NUBPL: variants seen among roughly 807,000 people sequenced by gnomAD.
The protein encoded by NUBPL is NUBP iron-sulfur cluster assembly factor, mitochondrial, also known as iron-sulfur cluster transfer protein NUBPL.
A neutral mutation model predicts 45.7 loss-of-function variants in NUBPL; 31 were observed. The observed-to-expected ratio is 0.68, with a 90% CI of 0.51 to 0.92. The LOEUF is 0.92. Among genes scored for constraint, NUBPL ranks in the 40% least tolerant of loss-of-function variants. The pLI, the probability that NUBPL is intolerant of heterozygous loss-of-function variation, is 0.00. For synonymous variants in NUBPL, 144 were observed against 140.9 expected (o/e 1.02, Z -0.15); for missense variants, 401 against 398.7 (o/e 1.01, Z -0.05).
At chr14:31,763,539 G>A (rs1246595689) in intron 6 of NUBPL, among the ~76,000 whole-genome samples, 1 of 152,126 alleles carries the variant, frequency 6.6e-6, no homozygotes, top group Admixed American at 6.6e-5. Flanking sequence ...CTGAGAGAGA[G>A]ATTGAGGTGA....
chr14:31,800,161 T>C (rs1475921726), intron 7 of NUBPL, among the ~76,000 whole-genome samples: 1 of 152,214 alleles, frequency 6.6e-6, no homozygotes, highest in African/African-American at 2.4e-5. Flanking sequence ...CTTCTAATTC[T>C]AATAATTCTC....
intron 6 of NUBPL, among the ~76,000 whole-genome samples, chr14:31,759,105 G>A (rs966159356): frequency 2.0e-5 from 3 of 152,062 alleles, no homozygotes; most frequent in Non-Finnish European, 2.9e-5. Flanking sequence ...GGTCTCCTAA[G>A]TCCAAAGTGC....
chr14:31,652,724 T>C (rs10220432), intron 4 of NUBPL, among the ~76,000 whole-genome samples: 5,848 of 152,318 alleles, frequency 0.038, 159 homozygotes, highest in African/African-American at 0.084. Context: ...TTTTAAATTA[T>C]GGAGAGGTTT....
In NUBPL at chr14:31,846,684, C is replaced by T. The variant is rs188436015; in HGVS notation, c.814+93C>T. The T allele has an allele frequency of 6.2e-5, 96 of 1,558,754 alleles. 1 individual carries two copies. The East Asian group carries it at 1.6e-3, about 26-fold the overall frequency. On this transcript the variant is annotated intron_variant, in intron 9 of 10. Transcript: ENST00000281081. ...TTAAGAGTGTCTCAGAGGCCGGGCA[C>T]GGAGTCTCACACCTGTAATCCCAGC...
At position 31,826,778 on chromosome 14, in the gene NUBPL, G is replaced by A. The variant is rs143251732; in HGVS notation, c.693+64G>A. 3.5e-4 allele frequency: 497 copies of A among 1,420,220 alleles called. 1 individual carries two copies. The African/African-American group carries it at 6.1e-3, about 17-fold the overall frequency. 88.0% of individuals were successfully genotyped at this position (1,420,220 alleles called of 1,614,324 possible). A position where few individuals can be genotyped will look rare whatever the true frequency, so the allele number is the denominator to read the frequency against. ...CTTCTAACTGAAGAAGCAAGTCATTGAAAAATACAGTTGAAGTTTTAATTT... is the reference window on the plus strand; with the variant it reads ...CTTCTAACTGAAGAAGCAAGTCATTAAAAAATACAGTTGAAGTTTTAATTT... On this transcript the variant is annotated intron_variant, in intron 8 of 10. Transcript: ENST00000281081.
chr14:31,815,133 C>G (rs61421033), intron 7 of NUBPL, among the ~76,000 whole-genome samples: 1 of 151,842 alleles, frequency 6.6e-6, no homozygotes, highest in Non-Finnish European at 1.5e-5. Context: ...TGGGCAGTAT[C>G]GCCATTTTCA....
chr14:31,853,668 A>G (rs920585182), intron 10 of NUBPL, among the ~76,000 whole-genome samples: 1 of 152,356 alleles, frequency 6.6e-6, no homozygotes, highest in East Asian at 1.9e-4. Context: ...ATGTTGGAAG[A>G]GCTGTTAGTA....
intron 4 of NUBPL, among the ~76,000 whole-genome samples, chr14:31,613,106 C>T (rs1201909543): frequency 6.6e-6 from 1 of 152,122 alleles, no homozygotes; most frequent in African/African-American, 2.4e-5. Flanking sequence ...GGGTACTAGT[C>T]AGCCATAAAA....
intron 3 of NUBPL, among the ~76,000 whole-genome samples, chr14:31,596,013 T>A (rs1384163008): frequency 1.3e-5 from 2 of 151,670 alleles, no homozygotes; most frequent in Non-Finnish European, 2.9e-5. Context: ...TTCATGCCAT[T>A]CTCCTGCCTC....
chr14:31,639,112 T>C (rs1179014081), intron 4 of NUBPL, among the ~76,000 whole-genome samples: 2 of 152,242 alleles, frequency 1.3e-5, no homozygotes, highest in African/African-American at 4.8e-5. Flanking sequence ...CGTCCAGCTT[T>C]GTTCCATTGC....
At chr14:31,696,129 G>T (rs1196790320) in intron 6 of NUBPL, among the ~76,000 whole-genome samples, 1 of 152,190 alleles carries the variant, frequency 6.6e-6, no homozygotes, top group South Asian at 2.1e-4. Context: ...TGAAAAGCTG[G>T]GAGGGACCTG....
chr14:31,798,995 A>T (rs978349652), intron 7 of NUBPL, among the ~76,000 whole-genome samples: 2 of 151,996 alleles, frequency 1.3e-5, no homozygotes, highest in African/African-American at 4.8e-5. Context: ...CAGGAACACT[A>T]TCAAAAAGTT....
intron 7 of NUBPL, among the ~76,000 whole-genome samples, chr14:31,817,088 A>T (rs377232156): frequency 6.6e-5 from 10 of 152,092 alleles, no homozygotes; most frequent in East Asian, 5.8e-4. Flanking sequence ...TCAGAGATTG[A>T]AGATCAACTT....
chr14:31,627,664 G>T (rs1227149559), intron 4 of NUBPL, among the ~76,000 whole-genome samples: 4 of 151,480 alleles, frequency 2.6e-5, no homozygotes, highest in Admixed American at 2.0e-4. Flanking sequence ...CACTCAGGAG[G>T]CTGAGGCAGG....
intron 4 of NUBPL, among the ~76,000 whole-genome samples, chr14:31,660,105 A>G (rs372093160): frequency 4.6e-5 from 7 of 152,238 alleles, no homozygotes; most frequent in African/African-American, 1.7e-4. Flanking sequence ...TCCTTTCTCA[A>G]ATTTTCTGCT....
intron 4 of NUBPL, among the ~76,000 whole-genome samples, chr14:31,651,473 AATAC>A (rs1214218697): frequency 9.9e-5 from 15 of 152,242 alleles, no homozygotes; most frequent in African/African-American, 3.4e-4. Context: ...GGTATTGTGT[AATAC>A]ACATTTAAAG....
At chr14:31,773,260 C>T (rs971124475) in intron 6 of NUBPL, among the ~76,000 whole-genome samples, 11 of 152,130 alleles carry the variant, frequency 7.2e-5, no homozygotes, top group Non-Finnish European at 1.0e-4. Context: ...AAGAAAAACA[C>T]TTTCTGCTCA....
rs1006416813 is a variant in NUBPL at position 31,594,524 on chromosome 14, T to C, written c.292-4765T>C. ...GGATTCTTCTGTACTTTTCATGAGCTCCTCTCAGGTTGTGTTCCAACTAGC... is the reference window on the plus strand; with the variant it reads ...GGATTCTTCTGTACTTTTCATGAGCCCCTCTCAGGTTGTGTTCCAACTAGC... On this transcript the variant is annotated intron_variant, in intron 3 of 10. Coordinates refer to ENST00000281081, the MANE Select transcript of NUBPL (RefSeq NM_025152.3). 2.6e-5 allele frequency among the ~76,000 whole-genome samples: 4 copies of C among 152,140 alleles called. No individual in the cohort carries two copies. In the East Asian group the frequency reaches 7.7e-4, roughly 29 times the overall value.
intron 7 of NUBPL, among the ~76,000 whole-genome samples, chr14:31,805,410 A>G (rs2039666501): frequency 6.6e-6 from 1 of 152,248 alleles, no homozygotes; most frequent in South Asian, 2.1e-4. Flanking sequence ...CAGTCCCATT[A>G]CTGGGAGTAT....
Sources: allele counts gnomAD v4.1 joint callset (sites outside exome capture counted in the v4.1 genomes callset), GRCh38; gene constraint gnomAD v4.1.1; transcripts MANE v1.5; gene names NCBI Gene and HGNC (gene_info 2026-07-23, HGNC 2026-07-21).